Variants in LMO1 observed in about 807,000 individuals in gnomAD.
LMO1 encodes the protein rhombotin-1.
In LMO1, 10 loss-of-function variants were observed where a neutral mutation model predicts 18.0. The observed-to-expected ratio is 0.55, with a 90% confidence interval of 0.34 to 0.94. The LOEUF (loss-of-function observed/expected upper bound fraction) is 0.94. Ranked by LOEUF, LMO1 falls within the 40% of genes least tolerant of loss-of-function variation. LMO1 has a pLI of 0.02. For missense variants in LMO1, 183 were observed against 205.7 expected, an observed-to-expected ratio of 0.89 and a Z score of 0.68; for synonymous variants, 77 against 77.9, an observed-to-expected ratio of 0.99 and a Z score of 0.06.
intron 1 of LMO1, among the ~76,000 whole-genome samples, chr11:8,255,170 G>A (rs377342604): frequency 6.6e-6 from 1 of 152,120 alleles, no homozygotes; most frequent in African/African-American, 2.4e-5. Flanking sequence ...CAGCAGAAGC[G>A]ACAAGATCCC....
rs759065506 is a variant in LMO1 at position 8,227,100 on chromosome 11, C to A, written c.240G>T (p.Arg80Ser). The A allele has an allele frequency of 1.2e-6, 2 of 1,612,570 alleles. No individual in the cohort carries two copies. The highest frequency in any genetic ancestry group is 3.3e-5 in the Admixed American group (2 of 60,000). ...CACAGTTCCCTGTGGTGCCAAAGAG[C>A]CTGCCGAGGGAAGGGCGCAGAGGAC... ...NLILCRRDYL[R>S]LFGTTGNCAA... The change falls in exon 3 of 4, where the codon AGG (arginine) becomes AGT (serine). Residue 80 changes from arginine (R) to serine (S), a missense_variant and splice_region_variant. Arg to Ser is a moderately radical substitution (Grantham distance 110). Transcript: ENST00000335790.
chr11:8,251,922 G>A lies in LMO1; in HGVS notation c.25+11416C>T, dbSNP rs1049966311. ...GGGAGTGTGTGGTGGGTGTGTGGTGGGTGTGTAATGTGTGTGAATGTATGT... is the reference window on the plus strand; with the variant it reads ...GGGAGTGTGTGGTGGGTGTGTGGTGAGTGTGTAATGTGTGTGAATGTATGT... On this transcript the variant is annotated intron_variant, in intron 1 of 3. Coordinates refer to ENST00000335790, the MANE Select transcript of LMO1 (RefSeq NM_002315.3). 2.5e-5 allele frequency among the ~76,000 whole-genome samples: 3 copies of A among 118,720 alleles called. No individual in the cohort carries two copies. The East Asian group carries it at 1.0e-3, about 40-fold the overall frequency. The allele number at this position is 118,720 out of a possible 152,430, so 77.9% of individuals were successfully genotyped here. A position where few individuals can be genotyped will look rare whatever the true frequency, so the allele number is the denominator to read the frequency against.
chr11:8,264,115 T>C (rs1443795737), upstream of LMO1, among the ~76,000 whole-genome samples: 1 of 152,008 alleles, frequency 6.6e-6, no homozygotes, highest in African/African-American at 2.4e-5. Context: ...TTTTGTCTCT[T>C]CTTCAGAGCA....
chr11:8,268,610 G>A (rs1565191677), upstream of LMO1: 6 of 420,138 alleles, frequency 1.4e-5, no homozygotes, highest in African/African-American at 2.1e-5. Flanking sequence ...AGTCCGGAGC[G>A]CAGCCCCGCG....
upstream of LMO1, chr11:8,263,945 T>TG (rs1299108545): frequency 1.1e-6 from 1 of 911,124 alleles, no homozygotes; most frequent in Admixed American, 6.0e-5. Context: ...CCCGGGTTAA[T>TG]GGGGAGTGGA....
At chr11:8,233,099 C>A (rs1952698939) in intron 1 of LMO1, among the ~76,000 whole-genome samples, 1 of 152,216 alleles carries the variant, frequency 6.6e-6, no homozygotes, top group African/African-American at 2.4e-5. Context: ...TACCTTAAGA[C>A]CTGGACACCC....
chr11:8,240,050 C>T (rs912134192), intron 1 of LMO1, among the ~76,000 whole-genome samples: 1 of 152,188 alleles, frequency 6.6e-6, no homozygotes, highest in South Asian at 2.1e-4. Flanking sequence ...CCACACCCTG[C>T]CTGCTGTGTC....
At chr11:8,236,367 G>A (rs1056022122) in intron 1 of LMO1, among the ~76,000 whole-genome samples, 1 of 150,324 alleles carries the variant, frequency 6.7e-6, no homozygotes, top group African/African-American at 2.5e-5. Flanking sequence ...ATTTTTGGGG[G>A]GAGGAATTTT....
intron 1 of LMO1, among the ~76,000 whole-genome samples, chr11:8,261,864 T>C (rs1476963198): frequency 6.6e-6 from 1 of 152,028 alleles, no homozygotes; most frequent in Non-Finnish European, 1.5e-5. Context: ...AGAGAAGACA[T>C]ATTGAAGATG....
chr11:8,249,433 A>T (rs942190361), intron 1 of LMO1, among the ~76,000 whole-genome samples: 2 of 152,190 alleles, frequency 1.3e-5, no homozygotes, highest in African/African-American at 4.8e-5. Context: ...AAATGGTCTT[A>T]ATAAAATGTA....
intron 1 of LMO1, among the ~76,000 whole-genome samples, chr11:8,248,274 G>T (rs1372945579): frequency 2.0e-5 from 3 of 152,350 alleles, no homozygotes; most frequent in Middle Eastern, 6.8e-3. Context: ...GCTCTTGGGG[G>T]TTCTCTCTCC....
chr11:8,243,536 C>T (rs17228127), intron 1 of LMO1, among the ~76,000 whole-genome samples: 2,801 of 152,280 alleles, frequency 0.018, 27 homozygotes, highest in Middle Eastern at 0.027. Context: ...AAAGTGTCAT[C>T]CCGTGTGAGA....
upstream of LMO1, chr11:8,263,926 C>T: frequency 1.2e-5 from 12 of 994,978 alleles, no homozygotes; most frequent in Non-Finnish European, 1.4e-5. Flanking sequence ...TTCCTGAGGC[C>T]TCCACCCTCC....
rs150265598 is a variant in LMO1 at position 8,234,401 on chromosome 11, C to A, written c.26-3897G>T. On this transcript the variant is annotated intron_variant, in intron 1 of 3. Coordinates refer to ENST00000335790, the MANE Select transcript of LMO1 (RefSeq NM_002315.3). ...TTCACATGGACCCCAGAGCAGTCCACTAGGCCAGACCCAAGTCCCCAGCAA... is the reference window on the plus strand; with the variant it reads ...TTCACATGGACCCCAGAGCAGTCCAATAGGCCAGACCCAAGTCCCCAGCAA... Among the ~76,000 whole-genome samples, 63 of 152,206 alleles carry A rather than the reference C, an allele frequency of 4.1e-4. 1 individual carries two copies. The East Asian group carries it at 0.011, about 26-fold the overall frequency.
chr11:8,229,108 G>A (rs547843580), intron 2 of LMO1, among the ~76,000 whole-genome samples: 119 of 151,426 alleles, frequency 7.9e-4, no homozygotes, highest in Non-Finnish European at 1.1e-3. Context: ...GGTTGGTCTC[G>A]AACTCCTGAG....
intron 1 of LMO1, among the ~76,000 whole-genome samples, chr11:8,243,173 C>T (rs908977547): frequency 6.6e-6 from 1 of 152,150 alleles, no homozygotes; most frequent in Non-Finnish European, 1.5e-5. Context: ...TGAGGCATTG[C>T]CCCGGGGCTT....
chr11:8,246,179 C>T (rs1846890546), intron 1 of LMO1, among the ~76,000 whole-genome samples: 1 of 152,158 alleles, frequency 6.6e-6, no homozygotes, highest in South Asian at 2.1e-4. Flanking sequence ...CCCAGCAACT[C>T]CCCTCCTAAG....
chr11:8,234,438 C>A lies in LMO1; in HGVS notation c.26-3934G>T, dbSNP rs558585126. Among the ~76,000 whole-genome samples, 207 of 152,276 alleles carry A rather than the reference C, an allele frequency of 1.4e-3. 2 individuals are homozygous for A. Among genetic ancestry groups the A allele is most frequent in the African/African-American group, 4.5e-3 (189 of 41,550 alleles). ...CAAGTCCCCAGCAACTCCTGCCCAC[C>A]TGTCCCAGCCCAGCTGCCCCTCAGC... On this transcript the variant is annotated intron_variant, in intron 1 of 3. Transcript: ENST00000335790.
chr11:8,226,996 G>T lies in LMO1; in HGVS notation c.344C>A (p.Ala115Asp), dbSNP rs1396687970. 6.2e-7 allele frequency: 1 copy of T among 1,613,302 alleles called. No individual in the cohort carries two copies. The highest frequency in any genetic ancestry group is 2.2e-5 in the East Asian group (1 of 44,884). The change falls in exon 3 of 4, where the codon GCC becomes GAC. Residue 115 changes from alanine to aspartate, a missense_variant. Physicochemically the swap from Ala to Asp is moderately radical, Grantham distance 126 (BLOSUM62 -2). Coordinates refer to ENST00000335790, the MANE Select transcript of LMO1 (RefSeq NM_002315.3). ...RDNVYHLDCF[A>D]CQLCNQRFCV... Reference sequence around the variant, plus strand: ...TGACCTCTGGTTGCAGAGCTGGCAGGCGAAGCAGTCGAGGTGATACACGTT... The same window carrying T: ...TGACCTCTGGTTGCAGAGCTGGCAGTCGAAGCAGTCGAGGTGATACACGTT...
Sources: allele counts gnomAD v4.1 joint callset (sites outside exome capture counted in the v4.1 genomes callset), GRCh38; gene constraint gnomAD v4.1.1; transcripts MANE v1.5; gene names NCBI Gene and HGNC (gene_info 2026-07-23, HGNC 2026-07-21).